GRIK2: variants seen among roughly 807,000 people sequenced by gnomAD.
GRIK2 encodes glutamate receptor ionotropic, kainate 2.
In GRIK2, 32 loss-of-function variants were observed where a neutral mutation model predicts 100.3. The observed-to-expected ratio is 0.32, with a 90% CI of 0.24 to 0.43. The LOEUF (loss-of-function observed/expected upper bound fraction) is 0.43, where lower values mean the gene tolerates loss of function less well. Ranked by LOEUF, GRIK2 falls within the 20% of genes least tolerant of loss-of-function variation. The pLI, the probability that GRIK2 is intolerant of heterozygous loss-of-function variation, is 1.00. For synonymous variants in GRIK2, 417 were observed against 389.4 expected, an observed-to-expected ratio of 1.07 and a Z score of -0.83; for missense variants, 843 against 1,114.9, an observed-to-expected ratio of 0.76 and a Z score of 3.47.
chr6:101,399,423 GT>G, intron 2 of GRIK2, 31 bp downstream of exon 2: 1 of 1,108,162 alleles, frequency 9.0e-7, no homozygotes, highest in Non-Finnish European at 1.4e-6. Context: ...TGGTTGCCTG[GT>G]ATCCGCTCCC....
intron 2 of GRIK2, among the ~76,000 whole-genome samples, chr6:101,553,744 C>T (rs1415946332): frequency 2.0e-5 from 3 of 152,190 alleles, no homozygotes. Context: ...TTAGCTAAAA[C>T]AATCTGATTC....
chr6:101,862,842 T>TTCC (rs963447540), intron 11 of GRIK2, among the ~76,000 whole-genome samples: 49 of 152,278 alleles, frequency 3.2e-4, no homozygotes, highest in African/African-American at 1.1e-3. Flanking sequence ...TATTTTGTTT[T>TTCC]TCCTTTATGT....
chr6:101,545,365 C>T lies in GRIK2; in HGVS notation c.116-76584C>T, dbSNP rs1040611370. ...TTTGTCTTCTAAGATTTTCTAAAAG[C>T]CTGTAGGCCGTGTACATATTTCCAG... is the stretch of plus-strand genomic sequence containing the variant. On this transcript the variant is annotated intron_variant, in intron 2 of 16. Coordinates refer to ENST00000369134, the MANE Select transcript of GRIK2 (RefSeq NM_021956.5). Among the ~76,000 whole-genome samples, 3 of 152,228 alleles carry T rather than the reference C, an allele frequency of 2.0e-5. No individual in the cohort carries two copies. The South Asian group carries it at 6.2e-4, about 32-fold the overall frequency.
At chr6:101,856,103 T>C (rs2128441826) in intron 10 of GRIK2, among the ~76,000 whole-genome samples, 1 of 152,302 alleles carries the variant, frequency 6.6e-6, no homozygotes, top group East Asian at 1.9e-4. Context: ...ATGGCAATGA[T>C]GTTGAATGTT....
intron 2 of GRIK2, among the ~76,000 whole-genome samples, chr6:101,466,328 A>C (rs1771642929): frequency 6.6e-6 from 1 of 150,946 alleles, no homozygotes; most frequent in East Asian, 1.9e-4. Flanking sequence ...ATTATATATA[A>C]ATAAAAAGCT....
At chr6:101,847,864 G>T (rs1783900074) in intron 10 of GRIK2, among the ~76,000 whole-genome samples, 1 of 151,984 alleles carries the variant, frequency 6.6e-6, no homozygotes. Context: ...TTCTGTCTCA[G>T]GCTTTCAGGT....
chr6:102,029,904 C>G (rs1299808544), intron 14 of GRIK2, among the ~76,000 whole-genome samples: 1 of 151,140 alleles, frequency 6.6e-6, no homozygotes, highest in African/African-American at 2.4e-5. Flanking sequence ...CTGCGTCTTT[C>G]CTGGTATCTT....
rs112761278 is a variant in GRIK2 at position 101,520,189 on chromosome 6, G to T, written c.116-101760G>T. Among the ~76,000 whole-genome samples, 12 of 151,872 alleles carry T rather than the reference G, an allele frequency of 7.9e-5. 1 individual carries two copies. The highest frequency in any genetic ancestry group is 2.9e-4 in the African/African-American group (12 of 41,468). On this transcript the variant is annotated intron_variant, in intron 2 of 16. Transcript: ENST00000369134. ...TCTTCTTTTTATTATAAATGGAAGA[G>T]AAATATTTTTCATTGCACAAAATTC...
chr6:101,986,944 A>G (rs1794044935), intron 14 of GRIK2, among the ~76,000 whole-genome samples: 1 of 151,844 alleles, frequency 6.6e-6, no homozygotes, highest in Non-Finnish European at 1.5e-5. Context: ...GTTCAAGATC[A>G]GCCTTGACAA....
chr6:101,440,272 G>A (rs1769972511), intron 2 of GRIK2, among the ~76,000 whole-genome samples: 3 of 152,124 alleles, frequency 2.0e-5, no homozygotes, highest in African/African-American at 7.2e-5. Context: ...CACAGCATGG[G>A]CCAATCTTAT....
rs3029100 is a variant in GRIK2 at position 101,960,048 on chromosome 6, G to GTTTTTTTTTTTT, written c.2085+31420_2085+31421insTTTTTTTTTTTT. Among the ~76,000 whole-genome samples the GTTTTTTTTTTTT allele has an allele frequency of 1.2e-3, 139 of 118,178 alleles. 3 individuals are homozygous for GTTTTTTTTTTTT. Among genetic ancestry groups the GTTTTTTTTTTTT allele is most frequent in the Middle Eastern group, 4.3e-3 (1 of 230 alleles). The allele number at this position is 118,178 out of a possible 152,430, so 77.5% of individuals were successfully genotyped here. A position where few individuals can be genotyped will look rare whatever the true frequency, so the allele number is the denominator to read the frequency against. On this transcript the variant is annotated intron_variant, in intron 14 of 16. Transcript: ENST00000369134. Reference sequence around the variant, plus strand: ...TTATTTCTCAAAGCCTTTTTTTAGTGTTTTGTTTTTTTTTTTTTGTCTGAC... The same window carrying GTTTTTTTTTTTT: ...TTATTTCTCAAAGCCTTTTTTTAGTGTTTTTTTTTTTTTTTTGTTTTTTTTTTTTTGTCTGAC...
intron 7 of GRIK2, among the ~76,000 whole-genome samples, chr6:101,743,470 A>G (rs1776176904): frequency 6.6e-6 from 1 of 152,106 alleles, no homozygotes; most frequent in Admixed American, 6.5e-5. Context: ...GATGCAATTC[A>G]CTTCTATATG....
chr6:101,593,911 ATGCC>A (rs1418784510), intron 2 of GRIK2, among the ~76,000 whole-genome samples: 1 of 151,850 alleles, frequency 6.6e-6, no homozygotes, highest in Non-Finnish European at 1.5e-5. Context: ...TAAAATGAAT[ATGCC>A]TCCCCATGAA....
intron 7 of GRIK2, among the ~76,000 whole-genome samples, chr6:101,784,242 T>G (rs922204876): frequency 6.6e-6 from 1 of 152,218 alleles, no homozygotes; most frequent in Non-Finnish European, 1.5e-5. Context: ...TCTATGCAGC[T>G]TTGGGACTTG....
intron 7 of GRIK2, among the ~76,000 whole-genome samples, chr6:101,739,039 T>C (rs536389585): frequency 6.6e-6 from 1 of 152,328 alleles, no homozygotes; most frequent in East Asian, 1.9e-4. Flanking sequence ...TCATTCACTC[T>C]AAACCTGTCT....
intron 14 of GRIK2, among the ~76,000 whole-genome samples, chr6:102,016,562 T>C (rs998477063): frequency 1.4e-5 from 2 of 144,680 alleles, no homozygotes; most frequent in African/African-American, 5.1e-5. Flanking sequence ...ATAAAAAAAT[T>C]CAAAAAAAAT....
chr6:101,945,244 T>C (rs373624372), intron 14 of GRIK2, among the ~76,000 whole-genome samples: 2 of 152,166 alleles, frequency 1.3e-5, no homozygotes, highest in East Asian at 3.9e-4. Flanking sequence ...AGTGTCTGAA[T>C]TGAGATATGT....
At chr6:101,438,909 T>A (rs1769888591) in intron 2 of GRIK2, among the ~76,000 whole-genome samples, 1 of 152,154 alleles carries the variant, frequency 6.6e-6, no homozygotes, top group South Asian at 2.1e-4. Context: ...CATTGATTTT[T>A]GTGCTAATAA....
chr6:101,632,342 G>T (rs1240064882), intron 4 of GRIK2, among the ~76,000 whole-genome samples: 1 of 152,060 alleles, frequency 6.6e-6, no homozygotes, highest in Non-Finnish European at 1.5e-5. Context: ...GAACCCTAAG[G>T]CTGCTCACTG....
Sources: gnomAD v4.1 joint callset for allele counts (sites outside exome capture counted in the v4.1 genomes callset) on GRCh38, gnomAD v4.1.1 for gene constraint, MANE v1.5 for transcripts, NCBI Gene and HGNC (gene_info 2026-07-23, HGNC 2026-07-21) for gene names.